JAKMIP1: variants seen among roughly 807,000 people sequenced by gnomAD.
The protein encoded by JAKMIP1 is janus kinase and microtubule-interacting protein 1.
In JAKMIP1, 33 loss-of-function variants were observed where a neutral mutation model predicts 113.0. The observed-to-expected ratio is 0.29, with a 90% CI of 0.22 to 0.39. JAKMIP1 has a LOEUF of 0.39. Among genes scored for constraint, JAKMIP1 ranks in the 10% least tolerant of loss-of-function variants. The pLI, the probability that JAKMIP1 is intolerant of heterozygous loss-of-function variation, is 1.00. For synonymous variants in JAKMIP1, 480 were observed against 459.9 expected, an observed-to-expected ratio of 1.04 and a Z score of -0.56; for missense variants, 813 against 1,080.5, an observed-to-expected ratio of 0.75 and a Z score of 3.47.
chr4:6,145,682 TTAAA>T (rs780530489), intron 1 of JAKMIP1, among the ~76,000 whole-genome samples: 112 of 152,288 alleles, frequency 7.4e-4, no homozygotes, highest in African/African-American at 1.5e-3. Context: ...ACTGAGTGGC[TTAAA>T]TATCAGAATT....
chr4:6,081,567 G>A lies in JAKMIP1; in HGVS notation c.1101+42C>T. The A allele has an allele frequency of 6.2e-7, 1 of 1,610,522 alleles. No homozygotes were observed. Among genetic ancestry groups the A allele is most frequent in the Non-Finnish European group, 8.5e-7 (1 of 1,177,464 alleles). ...TCAGGGCTGAAGAATCCCAGACAGA[G>A]AAGGGAGTGTCAGGGCTGTCCCCAA... On this transcript the variant is annotated intron_variant, in intron 6 of 20. Transcript: ENST00000409021. The surrounding 1 kb of genome is among the most constrained non-coding windows in gnomAD (Gnocchi z 4.6).
chr4:6,143,716 G>A lies in JAKMIP1; in HGVS notation c.-147-30719C>T, dbSNP rs1158588101. Among the ~76,000 whole-genome samples the A allele has an allele frequency of 2.6e-5, 4 of 152,276 alleles. No homozygotes were observed. Among genetic ancestry groups the A allele is most frequent in the African/African-American group, 9.6e-5 (4 of 41,530 alleles). ...AGTAACCTACTGAACAGAACGTGGGGGTGGACTCAGCAGTGTGGGTTTTAA... is the reference window on the plus strand; with the variant it reads ...AGTAACCTACTGAACAGAACGTGGGAGTGGACTCAGCAGTGTGGGTTTTAA... On this transcript the variant is annotated intron_variant, in intron 1 of 20. Coordinates refer to ENST00000409021, the MANE Select transcript of JAKMIP1 (RefSeq NM_001099433.2). This position sits in a 1 kb window ranked among gnomAD's most constrained non-coding sequence, Gnocchi z 4.9.
At chr4:6,159,515 GGA>G (rs1491314526) in intron 1 of JAKMIP1, among the ~76,000 whole-genome samples, 1 of 17,748 alleles carries the variant, frequency 5.6e-5, no homozygotes, top group Non-Finnish European at 1.1e-3. Flanking sequence ...GCATGCAAGT[GGA>G]AAAAAAAAAT....
chr4:6,062,704 G>T (rs1717478614), intron 9 of JAKMIP1, among the ~76,000 whole-genome samples: 1 of 152,162 alleles, frequency 6.6e-6, no homozygotes, highest in South Asian at 2.1e-4. Flanking sequence ...CCTCCCAGGA[G>T]CTCCCACCCA....
chr4:6,181,744 T>C lies in JAKMIP1; in HGVS notation c.-148+18509A>G, dbSNP rs1726048266. Reference sequence around the variant, plus strand: ...TCATTCAACAGCATCCTAGTGCCTGTTCCATGCCAGACCCTGTGCTGAGCC... The same window carrying C: ...TCATTCAACAGCATCCTAGTGCCTGCTCCATGCCAGACCCTGTGCTGAGCC... On this transcript the variant is annotated intron_variant, in intron 1 of 20. Coordinates refer to ENST00000409021, the MANE Select transcript of JAKMIP1 (RefSeq NM_001099433.2). The surrounding 1 kb of genome is among the most constrained non-coding windows in gnomAD (Gnocchi z 5.4). 6.6e-6 allele frequency among the ~76,000 whole-genome samples: 1 copy of C among 152,192 alleles called. No homozygotes were observed. Among genetic ancestry groups the C allele is most frequent in the Non-Finnish European group, 1.5e-5 (1 of 68,028 alleles).
chr4:6,085,372 A>T, intron 4 of JAKMIP1, 48 bp downstream of exon 4: 2 of 1,570,180 alleles, frequency 1.3e-6, no homozygotes, highest in Non-Finnish European at 1.7e-6. Flanking sequence ...ATGCCACCTA[A>T]ATGGGTGGGG....
At chr4:6,159,353 A>AAAATTTT (rs1336342978) in intron 1 of JAKMIP1, among the ~76,000 whole-genome samples, 1 of 152,168 alleles carries the variant, frequency 6.6e-6, no homozygotes, top group Admixed American at 6.5e-5. Context: ...ACAAAAGGCA[A>AAAATTTT]AAATTTTAAA....
chr4:6,128,150 T>C (rs1394091779), intron 1 of JAKMIP1, among the ~76,000 whole-genome samples: 2 of 152,100 alleles, frequency 1.3e-5, no homozygotes. Context: ...GTCATGTGGT[T>C]AGAAAAGGGC....
Position 6,194,359 on chromosome 4 carries a change from T to C in JAKMIP1, c.-148+5894A>G, listed in dbSNP as rs889680581. ...TTGCTTCAATGGAAGACACAGGTTG[T>C]GATCTCATTCAATACAGTCCCATGT... On this transcript the variant is annotated intron_variant, in intron 1 of 20. Coordinates refer to ENST00000409021, the MANE Select transcript of JAKMIP1 (RefSeq NM_001099433.2). This position sits in a 1 kb window ranked among gnomAD's most constrained non-coding sequence, Gnocchi z 7.4. 6.6e-6 allele frequency: 1 copy of C among 151,966 alleles called. No homozygotes were observed. Among genetic ancestry groups the C allele is most frequent in the South Asian group, 2.1e-4 (1 of 4,806 alleles). The allele number at this position is 151,966 out of a possible 1,614,324, so 9.4% of individuals were successfully genotyped here. A position where few individuals can be genotyped will look rare whatever the true frequency, so the allele number is the denominator to read the frequency against.
chr4:6,118,471 G>T (rs1716176601), intron 1 of JAKMIP1, among the ~76,000 whole-genome samples: 1 of 152,180 alleles, frequency 6.6e-6, no homozygotes, highest in South Asian at 2.1e-4. Flanking sequence ...GGGCTGCAGA[G>T]ATATTTCAGT....
In JAKMIP1 at chr4:6,157,173, T is replaced by C. The variant is rs1191314022; in HGVS notation, c.-148+43080A>G. Among the ~76,000 whole-genome samples, 1 of 152,230 alleles carries C rather than the reference T, an allele frequency of 6.6e-6. No individual in the cohort carries two copies. Among genetic ancestry groups the C allele is most frequent in the East Asian group, 1.9e-4 (1 of 5,196 alleles). On this transcript the variant is annotated intron_variant, in intron 1 of 20. Transcript: ENST00000409021. This position sits in a 1 kb window ranked among gnomAD's most constrained non-coding sequence, Gnocchi z 4.7. The stretch of plus-strand genomic sequence containing the variant: ...ATGTGGCAAGAAGGCCCTTGCCAGA[T>C]GCAGGTCCCTCCACCATGGACTTCC...
At chr4:6,196,213 G>A (rs1445061018) in intron 1 of JAKMIP1, among the ~76,000 whole-genome samples, 3 of 152,112 alleles carry the variant, frequency 2.0e-5, no homozygotes, top group East Asian at 3.9e-4. Flanking sequence ...CAAAAGTAAT[G>A]GCAAAAACCG....
intron 3 of JAKMIP1, among the ~76,000 whole-genome samples, chr4:6,101,247 C>CTAT (rs1333666975): frequency 6.6e-6 from 1 of 151,878 alleles, no homozygotes; most frequent in East Asian, 1.9e-4. Flanking sequence ...ACTTCATACT[C>CTAT]TATATACAGA....
rs145638813 is a variant in JAKMIP1, at chr4:6,175,215, G to A, written c.-148+25038C>T. Among the ~76,000 whole-genome samples the A allele has an allele frequency of 3.5e-3, 530 of 152,210 alleles. 8 individuals carry two copies. Among genetic ancestry groups the A allele is most frequent in the African/African-American group, 0.012 (497 of 41,534 alleles). Reference sequence around the variant, plus strand: ...CTCTGGGCCCGCTGAGGCCCTGAAGGCTCAGAAAGGTTAAGGAACCTCCCC... The same window carrying A: ...CTCTGGGCCCGCTGAGGCCCTGAAGACTCAGAAAGGTTAAGGAACCTCCCC... On this transcript the variant is annotated intron_variant, in intron 1 of 20. Transcript: ENST00000409021.
At chr4:6,127,789 C>T (rs1478567088) in intron 1 of JAKMIP1, among the ~76,000 whole-genome samples, 3 of 152,228 alleles carry the variant, frequency 2.0e-5, no homozygotes, top group Admixed American at 2.0e-4. Context: ...TCGGGCTCAC[C>T]CTTGGCAGCT....
chr4:6,152,791 T>TATATATATATATATATATATAC (rs1553854426), intron 1 of JAKMIP1, among the ~76,000 whole-genome samples: 55 of 109,574 alleles, frequency 5.0e-4, no homozygotes, highest in Non-Finnish European at 8.2e-4. Flanking sequence ...AAAATACAAA[T>TATATATATATATATATATATAC]ATATATATAT....
At chr4:6,084,194 G>A (rs1042872021) in intron 5 of JAKMIP1, among the ~76,000 whole-genome samples, 5 of 151,994 alleles carry the variant, frequency 3.3e-5, no homozygotes, top group Non-Finnish European at 7.3e-5. Context: ...GCACATGCCT[G>A]TAATCCCAGC....
chr4:6,091,819 T>C (rs1041675129), intron 3 of JAKMIP1, among the ~76,000 whole-genome samples: 2 of 152,220 alleles, frequency 1.3e-5, no homozygotes, highest in Admixed American at 1.3e-4. Context: ...CATGAACTGG[T>C]GGTTTGTCAC....
intron 1 of JAKMIP1, among the ~76,000 whole-genome samples, chr4:6,133,306 C>G (rs1432938738): frequency 1.3e-5 from 2 of 152,192 alleles, no homozygotes; most frequent in Non-Finnish European, 2.9e-5. Flanking sequence ...CGAGCACAAG[C>G]TCTTTGAAAG....
Sources: gnomAD v4.1 joint callset for allele counts (sites outside exome capture counted in the v4.1 genomes callset) on GRCh38, gnomAD v4.1.1 for gene constraint, Gnocchi (gnomAD v3.1) non-coding constraint, MANE v1.5 for transcripts, NCBI Gene and HGNC (gene_info 2026-07-23, HGNC 2026-07-21) for gene names.